NUP160: variants seen among roughly 807,000 people sequenced by gnomAD.
NUP160 encodes the protein nuclear pore complex protein Nup160.
In NUP160, 94 loss-of-function variants were observed where a neutral mutation model predicts 196.9. That is an observed-to-expected ratio of 0.48 (90% CI 0.40 to 0.57). The LOEUF is 0.57. NUP160 is among the 20% of genes least tolerant of loss of function. NUP160 has a pLI of 0.00. For missense variants in NUP160, 1,638 were observed against 1,748.3 expected, an observed-to-expected ratio of 0.94 and a Z score of 1.13; for synonymous variants, 605 against 619.7, an observed-to-expected ratio of 0.98 and a Z score of 0.35.
At chr11:47,817,465 G>T (rs549314089) in intron 11 of NUP160, among the ~76,000 whole-genome samples, 2 of 151,320 alleles carry the variant, frequency 1.3e-5, no homozygotes, top group South Asian at 4.2e-4. Context: ...TTCTGCCTCA[G>T]CCTCCCGAGT....
At chr11:47,780,807 G>T (rs1304436477) in intron 34 of NUP160, among the ~76,000 whole-genome samples, 1 of 152,046 alleles carries the variant, frequency 6.6e-6, no homozygotes, top group Non-Finnish European at 1.5e-5. Flanking sequence ...CTCCGAAAGT[G>T]AGCCACTGTG....
At chr11:47,815,504 G>C in exon 13 of NUP160, 1 of 1,607,614 alleles carries the variant, frequency 6.2e-7, no homozygotes, top group South Asian at 1.1e-5. Context: ...CACCATGTTT[G>C]TGTGTGGATT....
At chr11:47,795,623 C>A (rs2097670452) in intron 27 of NUP160, among the ~76,000 whole-genome samples, 1 of 152,176 alleles carries the variant, frequency 6.6e-6, no homozygotes, top group Non-Finnish European at 1.5e-5. Flanking sequence ...AAAACAATCT[C>A]ACATTCCGCT....
chr11:47,839,725 G>C (rs1852256411), intron 4 of NUP160, 118 bp downstream of exon 4: 1 of 835,474 alleles, frequency 1.2e-6, no homozygotes, highest in Non-Finnish European at 2.0e-6. Flanking sequence ...AAGCAATAAT[G>C]AATGACCAGT....
intron 32 of NUP160, 32 bp from the exon 33 acceptor site, chr11:47,785,095 C>T: frequency 8.5e-7 from 1 of 1,172,694 alleles, no homozygotes; most frequent in Non-Finnish European, 1.2e-6. Context: ...TAATGAGTTT[C>T]AGATTCTTAA....
intron 7 of NUP160, among the ~76,000 whole-genome samples, chr11:47,829,186 A>C (rs1852029256): frequency 6.7e-6 from 1 of 150,170 alleles, no homozygotes; most frequent in Non-Finnish European, 1.5e-5. Context: ...TACTACTTGC[A>C]AGTCATAAAT....
At chr11:47,802,932 C>G (rs1261781400) in intron 22 of NUP160, among the ~76,000 whole-genome samples, 1 of 152,038 alleles carries the variant, frequency 6.6e-6, no homozygotes, top group African/African-American at 2.4e-5. Flanking sequence ...CAGCAGTGAG[C>G]TGTTGATTAC....
At position 47,801,552 on chromosome 11, in the gene NUP160, G is replaced by A. The variant is rs1769026689; in HGVS notation, c.2895+259C>T. On this transcript the variant is annotated intron_variant, in intron 23 of 35. Transcript: ENST00000378460. ...TTTAGTAGAGGCAGGGTTTTGGCATGTTGGCCAGGCTGGTCTCAAACTCCT... is the reference window on the plus strand; with the variant it reads ...TTTAGTAGAGGCAGGGTTTTGGCATATTGGCCAGGCTGGTCTCAAACTCCT... 3.3e-5 allele frequency among the ~76,000 whole-genome samples: 5 copies of A among 152,108 alleles called. No homozygotes were observed. The South Asian group carries it at 1.0e-3, about 32-fold the overall frequency.
At chr11:47,799,466 G>A (rs1030431005) in intron 23 of NUP160, among the ~76,000 whole-genome samples, 2 of 151,960 alleles carry the variant, frequency 1.3e-5, no homozygotes, top group African/African-American at 4.8e-5. Flanking sequence ...TCATATACGT[G>A]CAATTCTCTA....
chr11:47,783,236 C>T (rs779598769), intron 33 of NUP160, 38 bp from the exon 34 acceptor site: 1 of 1,602,000 alleles, frequency 6.2e-7, no homozygotes, highest in Non-Finnish European at 8.5e-7. Context: ...GTACCTATTT[C>T]CCTCCTACTT....
At chr11:47,846,669 T>C (rs1257442176) in intron 2 of NUP160, among the ~76,000 whole-genome samples, 1 of 152,198 alleles carries the variant, frequency 6.6e-6, no homozygotes, top group Admixed American at 6.5e-5. Flanking sequence ...ACTTGGGCCA[T>C]GATAAAAGCA....
chr11:47,837,184 T>C (rs1293195028), intron 5 of NUP160, among the ~76,000 whole-genome samples, 183 bp from the exon 6 acceptor site: 1 of 152,218 alleles, frequency 6.6e-6, no homozygotes, highest in Non-Finnish European at 1.5e-5. Context: ...TATAATAAAA[T>C]TTAAAAGGCT....
chr11:47,789,298 G>A (rs2135347380), intron 29 of NUP160, among the ~76,000 whole-genome samples: 1 of 152,252 alleles, frequency 6.6e-6, no homozygotes, highest in Non-Finnish European at 1.5e-5. Flanking sequence ...ATGAGCCACT[G>A]CACCTGGCCT....
chr11:47,778,575 A>C (rs1189941384), exon 36 of NUP160: 1 of 152,698 alleles, frequency 6.5e-6, no homozygotes, highest in Non-Finnish European at 1.5e-5. Context: ...AAATTATTTA[A>C]TACTCAATTG....
At chr11:47,782,301 AAAATATATATATATATATAT>A (rs1160297536) in intron 34 of NUP160, among the ~76,000 whole-genome samples, 9 of 44,972 alleles carry the variant, frequency 2.0e-4, no homozygotes, top group East Asian at 5.6e-4. Context: ...AAAAAAAAAA[AAAATATATATATATATATAT>A]ATATATATAT....
At chr11:47,815,881 T>C (rs1403113360) in intron 12 of NUP160, 65 bp downstream of exon 12, 1 of 1,250,552 alleles carries the variant, frequency 8.0e-7, no homozygotes, top group African/African-American at 1.5e-5. Flanking sequence ...AATTCCTCGG[T>C]CAGTACCAAT....
At chr11:47,788,065 T>C (rs2097665684) in intron 31 of NUP160, 117 bp downstream of exon 31, 5 of 911,110 alleles carry the variant, frequency 5.5e-6, no homozygotes, top group Non-Finnish European at 8.3e-6. Flanking sequence ...AACAAAACAC[T>C]TCTTCAAATC....
At chr11:47,840,219 T>C (rs1258305127) in intron 3 of NUP160, 154 bp from the exon 4 acceptor site, 1 of 834,358 alleles carries the variant, frequency 1.2e-6, no homozygotes, top group South Asian at 1.4e-5. Context: ...ACTTAAAATG[T>C]ATGCCTGATC....
chr11:47,825,097 A>G (rs1162534136), intron 7 of NUP160, among the ~76,000 whole-genome samples: 1 of 151,880 alleles, frequency 6.6e-6, no homozygotes, highest in Non-Finnish European at 1.5e-5. Context: ...GGCCTCCCAA[A>G]GTGCTGGGAT....
Sources: allele counts gnomAD v4.1 joint callset (sites outside exome capture counted in the v4.1 genomes callset), GRCh38; gene constraint gnomAD v4.1.1; transcripts MANE v1.5; gene names NCBI Gene and HGNC (gene_info 2026-07-23, HGNC 2026-07-21).